The following NPEPL1 variants were observed in gnomAD, a reference collection of about 807,000 sequenced individuals.
The protein encoded by NPEPL1 is aminopeptidase like 1.
A neutral mutation model predicts 52.4 loss-of-function variants in NPEPL1; 45 were observed. The observed-to-expected ratio is 0.86, with a 90% CI of 0.68 to 1.10. The LOEUF (loss-of-function observed/expected upper bound fraction) is 1.10. Ranked by LOEUF, NPEPL1 falls within the 50% of genes least tolerant of loss-of-function variation. NPEPL1 has a pLI of 0.00. For missense variants in NPEPL1, 696 were observed against 710.9 expected, an observed-to-expected ratio of 0.98 and a Z score of 0.24; for synonymous variants, 360 against 314.7, an observed-to-expected ratio of 1.14 and a Z score of -1.52.
chr20:58,697,638 T>C (rs1388042307), intron 3 of NPEPL1, among the ~76,000 whole-genome samples: 1 of 152,230 alleles, frequency 6.6e-6, no homozygotes, highest in Admixed American at 6.5e-5. Flanking sequence ...AGCGCTGCTC[T>C]TCTCTTAATA....
At position 58,693,873 on chromosome 20, in the gene NPEPL1, C is replaced by T. The variant is rs758011690; in HGVS notation, c.287C>T (p.Thr96Met). 1.4e-5 allele frequency: 23 copies of T among 1,613,126 alleles called. No homozygotes were observed. The highest frequency in any genetic ancestry group is 1.6e-4 in the Middle Eastern group (1 of 6,082). ...HNSPSAAHFI[T>M]RLVRTCLPPG... ...AGCCCCTCGGCCGCCCACTTCATCACGCGGCTGGTGCGGACCTGCCTGCCG... is the reference window on the plus strand; with the variant it reads ...AGCCCCTCGGCCGCCCACTTCATCATGCGGCTGGTGCGGACCTGCCTGCCG... The change falls in exon 2 of 12, where the codon ACG (threonine) becomes ATG (methionine). Residue 96 changes from threonine to methionine, a missense_variant. Transcript: ENST00000356091.
intron 5 of NPEPL1, among the ~76,000 whole-genome samples, chr20:58,700,113 G>A (rs1397045144): frequency 3.9e-5 from 6 of 152,212 alleles, no homozygotes; most frequent in African/African-American, 1.4e-4. Context: ...TGCTGTTTGA[G>A]CCACCCTCCG....
At chr20:58,699,382 C>A in intron 5 of NPEPL1, 104 bp downstream of exon 5, 1 of 852,154 alleles carries the variant, frequency 1.2e-6, no homozygotes, top group Non-Finnish European at 1.8e-6. Context: ...TCCCAAACTT[C>A]ATCCTGCTTG....
chr20:58,694,704 C>T (rs2084426427), intron 3 of NPEPL1, 112 bp downstream of exon 3: 3 of 1,165,368 alleles, frequency 2.6e-6, no homozygotes, highest in Non-Finnish European at 3.5e-6. Flanking sequence ...GGGTTCCTGC[C>T]CTTCCCAGGA....
Position 58,693,865 on chromosome 20 carries a change from C to T in NPEPL1, c.279C>T (p.His93=). The change falls in exon 2 of 12, where the codon CAC becomes CAT. Residue 93 remains histidine, a synonymous_variant. Coordinates refer to ENST00000356091, the MANE Select transcript of NPEPL1 (RefSeq NM_024663.4). ...VSRHNSPSAA[H]FITRLVRTCL... Reference sequence around the variant, plus strand: ...GGCACAACAGCCCCTCGGCCGCCCACTTCATCACGCGGCTGGTGCGGACCT... The same window carrying T: ...GGCACAACAGCCCCTCGGCCGCCCATTTCATCACGCGGCTGGTGCGGACCT... 6.2e-7 allele frequency: 1 copy of T among 1,613,462 alleles called. No homozygotes were observed.
rs529169444 is a variant in NPEPL1 at position 58,695,991 on chromosome 20, G to A, written c.507+1399G>A. On this transcript the variant is annotated intron_variant, in intron 3 of 11. Transcript: ENST00000356091. Reference sequence around the variant, plus strand: ...GCATCCCCTTCATGGCCTCTCCAGCGTTCCGACCTGCTCAGCCCTCTCCGG... The same window carrying A: ...GCATCCCCTTCATGGCCTCTCCAGCATTCCGACCTGCTCAGCCCTCTCCGG... 8.5e-5 allele frequency among the ~76,000 whole-genome samples: 13 copies of A among 152,236 alleles called. No individual in the cohort carries two copies. The East Asian group carries it at 1.5e-3, about 18-fold the overall frequency.
intron 3 of NPEPL1, 39 bp from the exon 4 acceptor site, chr20:58,698,645 C>T (rs767820017): frequency 6.5e-7 from 1 of 1,546,914 alleles, no homozygotes; most frequent in Non-Finnish European, 8.9e-7. Flanking sequence ...GAACATCTGC[C>T]TCCCACCTGG....
intron 3 of NPEPL1, among the ~76,000 whole-genome samples, chr20:58,697,149 G>A (rs562063653): frequency 5.9e-5 from 9 of 152,202 alleles, no homozygotes; most frequent in East Asian, 1.9e-4. Context: ...AGTCTTGCAC[G>A]ATGCCTGGCA....
upstream of NPEPL1, among the ~76,000 whole-genome samples, chr20:58,690,571 C>G (rs773355910): frequency 1.3e-5 from 2 of 152,184 alleles, no homozygotes; most frequent in Admixed American, 1.3e-4. Context: ...TGGAATAATT[C>G]CTTAGCGTTC....
chr20:58,714,532 A>AG (rs2084917397), intron 10 of NPEPL1, 28 bp from the exon 11 acceptor site: 2 of 1,516,742 alleles, frequency 1.3e-6, no homozygotes, highest in Admixed American at 3.9e-5. Flanking sequence ...AGCAACCCAC[A>AG]GGCACTGTGT....
chr20:58,714,888 G>T, intron 11 of NPEPL1: 1 of 608,982 alleles, frequency 1.6e-6, no homozygotes, highest in Non-Finnish European at 2.9e-6. Flanking sequence ...CTCCATAGGG[G>T]ATCCTGGGCC....
Position 58,712,491 on chromosome 20 carries a change from A to G in NPEPL1, c.913A>G (p.Asn305Asp). 6.2e-7 allele frequency: 1 copy of G among 1,612,014 alleles called. No homozygotes were observed. The highest frequency in any genetic ancestry group is 1.1e-5 in the South Asian group (1 of 90,988). Reference protein sequence around the residue: ...RAAIKQGFKDNLHAVFCLAEN... With the variant: ...RAAIKQGFKDDLHAVFCLAEN... ...CTTCTCCCTCCAGGGTTTCAAAGAC[A>G]ACCTCCACGCTGTGTTCTGCTTGGC... is the stretch of plus-strand genomic sequence containing the variant. Residue 305 changes from asparagine to aspartate, a missense_variant, in exon 8 of 12, where the codon AAC (asparagine) becomes GAC (aspartate). Coordinates refer to ENST00000356091, the MANE Select transcript of NPEPL1 (RefSeq NM_024663.4).
intron 5 of NPEPL1, among the ~76,000 whole-genome samples, chr20:58,699,675 C>A (rs1006356021): frequency 1.8e-4 from 28 of 152,210 alleles, no homozygotes; most frequent in Non-Finnish European, 3.7e-4. Flanking sequence ...AATACTTTCC[C>A]CCAAGATATA....
upstream of NPEPL1, chr20:58,691,785 C>G (rs1351271978): frequency 6.6e-7 from 1 of 1,516,406 alleles, no homozygotes; most frequent in African/African-American, 1.5e-5. Context: ...ATGGAGGTAA[C>G]AGAGGAGGGT....
chr20:58,714,940 G>A, intron 11 of NPEPL1: 1 of 621,234 alleles, frequency 1.6e-6, no homozygotes, highest in Non-Finnish European at 2.8e-6. Flanking sequence ...CCGGGGTGAA[G>A]GCAGAGCACA....
At chr20:58,699,445 C>A (rs916783225) in intron 5 of NPEPL1, among the ~76,000 whole-genome samples, 167 bp downstream of exon 5, 1 of 152,206 alleles carries the variant, frequency 6.6e-6, no homozygotes, top group Non-Finnish European at 1.5e-5. Context: ...CCCTGGGAAG[C>A]AGCCGTCCCT....
At chr20:58,700,551 A>G (rs915651006) in intron 5 of NPEPL1, among the ~76,000 whole-genome samples, 3 of 152,234 alleles carry the variant, frequency 2.0e-5, no homozygotes, top group African/African-American at 7.2e-5. Context: ...CGCACAGGCC[A>G]CAGCTTTCTT....
upstream of NPEPL1, chr20:58,691,713 T>TTTTTTTTTG: frequency 1.4e-6 from 1 of 717,274 alleles, no homozygotes; most frequent in Non-Finnish European, 2.2e-6. Flanking sequence ...TTTTTTTTTT[T>TTTTTTTTTG]TCATTTTTAG....
At chr20:58,691,829 G>A, upstream of NPEPL1, 1 of 1,543,140 alleles carries the variant, frequency 6.5e-7, no homozygotes, top group South Asian at 1.2e-5. Flanking sequence ...TCAGGATGTT[G>A]GGTAACAGAT....
Sources: allele counts gnomAD v4.1 joint callset (sites outside exome capture counted in the v4.1 genomes callset), GRCh38; gene constraint gnomAD v4.1.1; transcripts MANE v1.5; gene names NCBI Gene and HGNC (gene_info 2026-07-23, HGNC 2026-07-21).